PGR: variants seen among roughly 807,000 people sequenced by gnomAD.
The protein encoded by PGR is progesterone receptor, also known as nuclear receptor subfamily 3 group C member 3.
PGR carries 25 observed loss-of-function variants against 76.1 expected under a neutral mutation model. That is an observed-to-expected ratio of 0.33 (90% CI 0.24 to 0.46). PGR has a LOEUF of 0.46. PGR is among the 20% of genes least tolerant of loss of function. The pLI, the probability that PGR is intolerant of heterozygous loss-of-function variation, is 1.00. For synonymous variants in PGR, 579 were observed against 535.0 expected, an observed-to-expected ratio of 1.08 and a Z score of -1.14; for missense variants, 1,172 against 1,225.3, an observed-to-expected ratio of 0.96 and a Z score of 0.65.
intron 2 of PGR, among the ~76,000 whole-genome samples, chr11:101,117,886 T>C (rs898838681): frequency 4.6e-5 from 7 of 152,222 alleles, no homozygotes; most frequent in African/African-American, 1.7e-4. Context: ...TGGTAAATTC[T>C]ACTTTTTAGG....
chr11:101,067,270 TATAG>T (rs1860754660), intron 3 of PGR, among the ~76,000 whole-genome samples: 1 of 152,214 alleles, frequency 6.6e-6, no homozygotes, highest in African/African-American at 2.4e-5. Flanking sequence ...TTATCTATCC[TATAG>T]ATATTTATAA....
intron 3 of PGR, among the ~76,000 whole-genome samples, chr11:101,074,356 C>A (rs1051493119): frequency 6.6e-6 from 1 of 152,004 alleles, no homozygotes; most frequent in Non-Finnish European, 1.5e-5. Flanking sequence ...TATGGCAAAC[C>A]CACAGCGAAT....
intron 7 of PGR, 156 bp downstream of exon 7, chr11:101,041,787 AAC>A: frequency 1.6e-6 from 1 of 644,698 alleles, no homozygotes; most frequent in South Asian, 2.0e-5. Context: ...ATGAAAAAAA[AAC>A]ACAATAAAAA....
intron 2 of PGR, among the ~76,000 whole-genome samples, chr11:101,099,479 A>G (rs1405502149): frequency 6.6e-6 from 1 of 152,108 alleles, no homozygotes; most frequent in East Asian, 1.9e-4. Flanking sequence ...TGATAATAAC[A>G]TCGTTTCATT....
rs77446987 is a variant in PGR at position 101,052,233 on chromosome 11, G to A, written c.2213-665C>T. Among the ~76,000 whole-genome samples the A allele has an allele frequency of 9.0e-3, 1,367 of 151,148 alleles. 20 individuals carry two copies. The highest frequency in any genetic ancestry group is 0.03 in the African/African-American group (1,213 of 41,066). ...GTTCTCTGAAACTTAATCCAGTCTT[G>A]TTTTAAACTTCCGTGTGGCTTAAGA... On this transcript the variant is annotated intron_variant, in intron 4 of 7. Transcript: ENST00000325455.
chr11:101,043,880 C>T (rs1859776872), intron 6 of PGR, among the ~76,000 whole-genome samples: 1 of 152,148 alleles, frequency 6.6e-6, no homozygotes, highest in Non-Finnish European at 1.5e-5. Flanking sequence ...TGCTGTCATC[C>T]AGCTTTGTTG....
chr11:101,127,777 A>G lies in PGR; in HGVS notation c.1294T>C (p.Ser432Pro), dbSNP rs1862914508. 2 of 1,563,074 alleles carry G rather than the reference A, an allele frequency of 1.3e-6. No individual in the cohort carries two copies. Among genetic ancestry groups the G allele is most frequent in the Admixed American group, 1.9e-5 (1 of 53,816 alleles). ...PPPLPPRATP[S>P]RPGEAAVTAA... The stretch of plus-strand genomic sequence containing the variant: ...GTCACCGCCGCTTCCCCGGGTCTGG[A>G]TGGGGTCGCTCGCGGCGGCAGCGGG... Residue 432 changes from serine to proline, a missense_variant, in exon 1 of 8, where the codon TCC (serine) becomes CCC (proline). Transcript: ENST00000325455.
chr11:101,070,495 G>C (rs906181069), intron 3 of PGR, among the ~76,000 whole-genome samples: 2 of 152,116 alleles, frequency 1.3e-5, no homozygotes, highest in Admixed American at 6.5e-5. Context: ...CCCCTGGAAG[G>C]GGGGCTGAAG....
At chr11:101,069,754 G>C (rs758919582) in intron 3 of PGR, among the ~76,000 whole-genome samples, 7 of 151,982 alleles carry the variant, frequency 4.6e-5, no homozygotes, top group Admixed American at 1.3e-4. Flanking sequence ...ATTAACACAA[G>C]AACAGAAAAC....
At chr11:101,044,032 A>G (rs1859781283) in intron 6 of PGR, among the ~76,000 whole-genome samples, 1 of 152,208 alleles carries the variant, frequency 6.6e-6, no homozygotes, top group African/African-American at 2.4e-5. Context: ...GCCCCTAACA[A>G]GAGAGTCAAC....
chr11:101,125,093 GATCT>G (rs983308227), intron 2 of PGR, among the ~76,000 whole-genome samples: 3 of 151,988 alleles, frequency 2.0e-5, no homozygotes, highest in African/African-American at 7.2e-5. Flanking sequence ...GTCTAGGTGT[GATCT>G]CAGCACTCCA....
intron 6 of PGR, among the ~76,000 whole-genome samples, chr11:101,047,740 G>A (rs573175370): frequency 2.0e-5 from 3 of 152,204 alleles, no homozygotes; most frequent in South Asian, 2.1e-4. Flanking sequence ...GCATCAGTTT[G>A]TACATTTGAG....
chr11:101,098,853 C>A (rs1389276683), intron 2 of PGR, among the ~76,000 whole-genome samples: 1 of 152,182 alleles, frequency 6.6e-6, no homozygotes, highest in East Asian at 1.9e-4. Context: ...AAACACTACA[C>A]AGAAAATGCC....
intron 2 of PGR, among the ~76,000 whole-genome samples, chr11:101,094,740 A>G (rs1264945600): frequency 6.6e-6 from 1 of 152,222 alleles, no homozygotes; most frequent in Non-Finnish European, 1.5e-5. Flanking sequence ...CAATTTGATA[A>G]TCATGCATCT....
chr11:101,122,031 C>T (rs909478224), intron 2 of PGR, among the ~76,000 whole-genome samples: 2 of 151,324 alleles, frequency 1.3e-5, no homozygotes, highest in African/African-American at 4.9e-5. Flanking sequence ...GGGGGGCACC[C>T]GTAGTCCCAG....
At position 101,031,761 on chromosome 11, in the gene PGR, G is replaced by C. The variant is rs1037672004; in HGVS notation, c.*7355C>G. 12 of 227,858 alleles carry C rather than the reference G, an allele frequency of 5.3e-5. No individual in the cohort carries two copies. The highest frequency in any genetic ancestry group is 9.6e-5 in the Non-Finnish European group (11 of 114,880). 14.1% of individuals were successfully genotyped at this position (227,858 alleles called of 1,614,324 possible). A position where few individuals can be genotyped will look rare whatever the true frequency, so the allele number is the denominator to read the frequency against. ...ACTTGGTTCCATAGAAGGAATCCCAGATAAGGCTTTTTAAAAGCCGAGCCC... is the reference window on the plus strand; with the variant it reads ...ACTTGGTTCCATAGAAGGAATCCCACATAAGGCTTTTTAAAAGCCGAGCCC... On this transcript the variant is annotated 3_prime_UTR_variant, in exon 8 of 8. Coordinates refer to ENST00000325455, the MANE Select transcript of PGR (RefSeq NM_000926.4).
chr11:101,065,127 C>T (rs1860668514), intron 3 of PGR, among the ~76,000 whole-genome samples: 1 of 152,176 alleles, frequency 6.6e-6, no homozygotes, highest in Non-Finnish European at 1.5e-5. Flanking sequence ...GTTTTTGTTG[C>T]CTTCAGAGAA....
intron 3 of PGR, among the ~76,000 whole-genome samples, chr11:101,070,671 A>C (rs1860901427): frequency 6.6e-6 from 1 of 152,182 alleles, no homozygotes; most frequent in Non-Finnish European, 1.5e-5. Flanking sequence ...AGGCTTGAGT[A>C]GGCAGTTTTC....
At chr11:101,099,077 C>T (rs750810005) in intron 2 of PGR, among the ~76,000 whole-genome samples, 6 of 152,140 alleles carry the variant, frequency 3.9e-5, no homozygotes, top group Admixed American at 1.3e-4. Context: ...TCTGTAGGGA[C>T]AGGTGTGTCC....
Sources: allele counts gnomAD v4.1 joint callset (sites outside exome capture counted in the v4.1 genomes callset), GRCh38; gene constraint gnomAD v4.1.1; transcripts MANE v1.5; gene names NCBI Gene and HGNC (gene_info 2026-07-23, HGNC 2026-07-21).